Variants in CDYL2 observed in about 807,000 individuals in gnomAD.
CDYL2 encodes chromodomain Y like 2.
Under a neutral mutation model 49.4 loss-of-function variants are expected in CDYL2, and 23 were observed. The observed-to-expected ratio is 0.47, with a 90% CI of 0.34 to 0.66. The LOEUF is 0.66. Ranked by LOEUF, CDYL2 falls within the 30% of genes least tolerant of loss-of-function variation. The pLI, the probability that CDYL2 is intolerant of heterozygous loss-of-function variation, is 0.01. For synonymous variants in CDYL2, 360 were observed against 268.8 expected (o/e 1.34, Z -3.32); for missense variants, 678 against 656.4 (o/e 1.03, Z -0.36).
intron 2 of CDYL2, among the ~76,000 whole-genome samples, chr16:80,677,875 A>G (rs1052214126): frequency 5.9e-5 from 9 of 151,926 alleles, no homozygotes; most frequent in African/African-American, 2.2e-4. Flanking sequence ...ACAAGGCTAC[A>G]GTAACCAAAA....
intron 1 of CDYL2, among the ~76,000 whole-genome samples, chr16:80,772,521 C>T (rs534142864): frequency 6.6e-6 from 1 of 152,252 alleles, no homozygotes; most frequent in Non-Finnish European, 1.5e-5. Flanking sequence ...GGCATGATCT[C>T]GGCTCACTGC....
chr16:80,636,985 T>C (rs1295646688), intron 2 of CDYL2, among the ~76,000 whole-genome samples: 4 of 152,082 alleles, frequency 2.6e-5, no homozygotes, highest in Non-Finnish European at 4.4e-5. Flanking sequence ...TTCTCACTCA[T>C]AAGTGAGAGT....
intron 1 of CDYL2, among the ~76,000 whole-genome samples, chr16:80,768,113 G>T (rs372706077): frequency 2.6e-5 from 4 of 152,160 alleles, no homozygotes; most frequent in African/African-American, 9.7e-5. Context: ...AGTAACAAGA[G>T]AAACAGTTTG....
In CDYL2 at chr16:80,667,046, CATGTGTGCA is replaced by C. The variant is rs1246478858; in HGVS notation, c.616+17483_616+17491del. Among the ~76,000 whole-genome samples, 3 of 152,182 alleles carry C rather than the reference CATGTGTGCA, an allele frequency of 2.0e-5. No individual in the cohort carries two copies. In the East Asian group the frequency reaches 5.8e-4, roughly 29 times the overall value. On this transcript the variant is annotated intron_variant, in intron 2 of 6. Coordinates refer to ENST00000570137, the MANE Select transcript of CDYL2 (RefSeq NM_152342.4). The stretch of plus-strand genomic sequence containing the variant: ...TGCTGTCAACCAAGAAACACCATTC[CATGTGTGCA>C]AATAAAAACGGAAACTGAGCTATGC...
At chr16:80,653,979 T>C (rs1908696491) in intron 2 of CDYL2, among the ~76,000 whole-genome samples, 1 of 152,316 alleles carries the variant, frequency 6.6e-6, no homozygotes, top group South Asian at 2.1e-4. Context: ...ATCTTCCTCA[T>C]GCATGGGGCT....
chr16:80,605,737 T>G (rs1906302390), intron 6 of CDYL2, among the ~76,000 whole-genome samples: 1 of 152,122 alleles, frequency 6.6e-6, no homozygotes, highest in South Asian at 2.1e-4. Flanking sequence ...GTAATGATTG[T>G]AGTAATATTT....
intron 1 of CDYL2, among the ~76,000 whole-genome samples, chr16:80,798,036 TTTG>T (rs1023268837): frequency 2.0e-5 from 3 of 152,162 alleles, no homozygotes; most frequent in African/African-American, 4.8e-5. Context: ...TTGTTGTTTG[TTTG>T]TTTTTTGTTT....
chr16:80,675,413 AT>A (rs1909702280), intron 2 of CDYL2, among the ~76,000 whole-genome samples: 1 of 152,214 alleles, frequency 6.6e-6, no homozygotes, highest in Non-Finnish European at 1.5e-5. Context: ...ATTAAATCAC[AT>A]TTAGTAGATC....
At chr16:80,695,416 AT>A (rs1374511853) in intron 1 of CDYL2, among the ~76,000 whole-genome samples, 4 of 152,254 alleles carry the variant, frequency 2.6e-5, no homozygotes, top group South Asian at 2.1e-4. Flanking sequence ...ATAACATTGA[AT>A]GTAAATGGAT....
chr16:80,630,652 T>G (rs9927905), intron 3 of CDYL2, among the ~76,000 whole-genome samples: 8,243 of 151,980 alleles, frequency 0.054, 687 homozygotes, highest in African/African-American at 0.18. Flanking sequence ...AGGCGGAGGA[T>G]GGAGAGGCCC....
rs560608166 is a variant in CDYL2 at position 80,630,925 on chromosome 16, C to T, written c.834+2094G>A. On this transcript the variant is annotated intron_variant, in intron 3 of 6. Transcript: ENST00000570137. Reference sequence around the variant, plus strand: ...GACAATGCTAGGTCATTCTATTATCCCGATGTGAGTGAGTGGCCATCCCTT... The same window carrying T: ...GACAATGCTAGGTCATTCTATTATCTCGATGTGAGTGAGTGGCCATCCCTT... Among the ~76,000 whole-genome samples, 67 of 136,682 alleles carry T rather than the reference C, an allele frequency of 4.9e-4. No homozygotes were observed. The East Asian group carries it at 0.012, about 25-fold the overall frequency. 89.7% of individuals were successfully genotyped at this position (136,682 alleles called of 152,430 possible).
At chr16:80,758,626 T>C (rs1161964472) in intron 1 of CDYL2, among the ~76,000 whole-genome samples, 1 of 147,282 alleles carries the variant, frequency 6.8e-6, no homozygotes, top group Non-Finnish European at 1.5e-5. Context: ...CACTGCAAGC[T>C]CTGCCTCCCT....
chr16:80,658,404 CT>C (rs1209448486), intron 2 of CDYL2, among the ~76,000 whole-genome samples: 3 of 152,112 alleles, frequency 2.0e-5, no homozygotes, highest in African/African-American at 7.2e-5. Context: ...ATACAAATAA[CT>C]TTTGGATATA....
At chr16:80,681,260 A>T (rs1480688883) in intron 2 of CDYL2, among the ~76,000 whole-genome samples, 2 of 152,114 alleles carry the variant, frequency 1.3e-5, no homozygotes, top group Non-Finnish European at 2.9e-5. Context: ...TGCTGGGCTA[A>T]GATGAGCCCT....
At chr16:80,675,490 T>TCAC (rs1215665220) in intron 2 of CDYL2, among the ~76,000 whole-genome samples, 1 of 152,098 alleles carries the variant, frequency 6.6e-6, no homozygotes, top group Non-Finnish European at 1.5e-5. Flanking sequence ...ATTGCTACCA[T>TCAC]CACCACCACC....
upstream of CDYL2, among the ~76,000 whole-genome samples, chr16:80,804,872 C>T (rs560843405): frequency 1.3e-5 from 2 of 151,928 alleles, no homozygotes; most frequent in East Asian, 3.9e-4. Context: ...GGGCCCCAGC[C>T]GAGCCCCGCC....
chr16:80,734,157 G>A (rs1905430093), intron 1 of CDYL2, among the ~76,000 whole-genome samples: 1 of 152,158 alleles, frequency 6.6e-6, no homozygotes, highest in Non-Finnish European at 1.5e-5. Context: ...CTATATTAGG[G>A]AATCCCATCA....
intron 1 of CDYL2, among the ~76,000 whole-genome samples, chr16:80,715,076 T>A (rs1904750854): frequency 6.6e-6 from 1 of 152,066 alleles, no homozygotes. Flanking sequence ...GCCTTACTCA[T>A]CTGGAGGAGC....
chr16:80,797,707 C>A (rs1907808366), intron 1 of CDYL2, among the ~76,000 whole-genome samples: 1 of 152,118 alleles, frequency 6.6e-6, no homozygotes, highest in South Asian at 2.1e-4. Flanking sequence ...CATTATATGC[C>A]ACCAAACATA....
Sources: gnomAD v4.1 joint callset for allele counts (sites outside exome capture counted in the v4.1 genomes callset) on GRCh38, gnomAD v4.1.1 for gene constraint, MANE v1.5 for transcripts, NCBI Gene and HGNC (gene_info 2026-07-23, HGNC 2026-07-21) for gene names.